Variants in PROSER1 observed in about 807,000 individuals in gnomAD.
PROSER1 encodes the protein proline and serine rich 1, also known as proline and serine-rich protein 1.
A neutral mutation model predicts 71.8 loss-of-function variants in PROSER1; 36 were observed. That is an observed-to-expected ratio of 0.50 (90% CI 0.38 to 0.66). The LOEUF (loss-of-function observed/expected upper bound fraction) is 0.66, where lower values mean the gene tolerates loss of function less well. Among genes scored for constraint, PROSER1 ranks in the 30% least tolerant of loss-of-function variants. PROSER1 has a pLI of 0.00. For missense variants in PROSER1, 1,107 were observed against 1,135.0 expected (o/e 0.98, Z 0.35); for synonymous variants, 490 against 452.4 (o/e 1.08, Z -1.06).
chr13:39,034,098 G>T, intron 2 of PROSER1, 33 bp downstream of exon 2: 1 of 1,461,344 alleles, frequency 6.8e-7, no homozygotes, highest in South Asian at 1.3e-5. Context: ...GGTATAAAAA[G>T]AAAGCTTTGT....
intron 7 of PROSER1, chr13:39,023,333 C>A (rs1371218203): frequency 4.0e-6 from 2 of 504,292 alleles, no homozygotes; most frequent in Non-Finnish European, 7.1e-6. Context: ...CAGATCTTGC[C>A]AAAGATGGCC....
intron 5 of PROSER1, 80 bp from the exon 6 acceptor site, chr13:39,026,467 A>G: frequency 1.2e-6 from 1 of 829,498 alleles, no homozygotes; most frequent in Non-Finnish European, 1.9e-6. Flanking sequence ...TCAGCTAAAA[A>G]AAACATGAAT....
chr13:39,037,415 T>C lies in PROSER1; in HGVS notation c.-173A>G, dbSNP rs1292834623. ...GTATTGCAAACTTCGCAAAAAAAAT[T>C]TCTAAAAATTGAGATTCAGAAAAAC... On this transcript the variant is annotated 5_prime_UTR_variant, in exon 1 of 13. Transcript: ENST00000352251. 2.7e-5 allele frequency: 16 copies of C among 585,328 alleles called. No homozygotes were observed. In the East Asian group the frequency reaches 4.6e-4, roughly 17 times the overall value. 36.3% of individuals were successfully genotyped at this position (585,328 alleles called of 1,614,324 possible).
chr13:39,011,249 G>T lies in PROSER1; in HGVS notation c.*116C>A. 1 of 1,028,692 alleles carries T rather than the reference G, an allele frequency of 9.7e-7. No homozygotes were observed. The highest frequency in any genetic ancestry group is 1.4e-6 in the Non-Finnish European group (1 of 689,822). The allele number at this position is 1,028,692 out of a possible 1,614,324, so 63.7% of individuals were successfully genotyped here. On this transcript the variant is annotated 3_prime_UTR_variant, in exon 13 of 13. Coordinates refer to ENST00000352251, the MANE Select transcript of PROSER1 (RefSeq NM_025138.5). ...CAAATTGTTGTCACAATTTCTCCAGGATTACCCTCATTCTCATTTTCCGAC... is the reference window on the plus strand; with the variant it reads ...CAAATTGTTGTCACAATTTCTCCAGTATTACCCTCATTCTCATTTTCCGAC...
In PROSER1 at chr13:39,022,492, A is replaced by C; in HGVS notation, c.644-80T>G. On this transcript the variant is annotated intron_variant, in intron 8 of 12. Transcript: ENST00000352251. ...TATTGTTCTGTGACTAGGAGTTCAA[A>C]CTATATTAATGCAGCTATTCAATTT... The C allele has an allele frequency of 4.5e-6, 4 of 895,736 alleles. No individual in the cohort carries two copies. The Admixed American group carries it at 7.2e-5, about 16-fold the overall frequency. 55.5% of individuals were successfully genotyped at this position (895,736 alleles called of 1,614,324 possible).
At chr13:39,022,975 T>C (rs898468746) in intron 8 of PROSER1, 77 bp downstream of exon 8, 9 of 1,257,750 alleles carry the variant, frequency 7.2e-6, no homozygotes, top group Middle Eastern at 3.7e-4. Context: ...GCCAACCACA[T>C]AGACCAGCAT....
chr13:39,013,910 G>A lies in PROSER1; in HGVS notation c.1342C>T (p.Pro448Ser). The change falls in exon 11 of 13, where the codon CCT becomes TCT. Residue 448 changes from proline to serine, a missense_variant. Physicochemically the swap from Pro to Ser is moderately conservative, Grantham distance 74 (BLOSUM62 -1). Coordinates refer to ENST00000352251, the MANE Select transcript of PROSER1 (RefSeq NM_025138.5). ...PTSQGLSNPT[P>S]VIAGGSTPSV... ...GGAGTAGAGCCACCAGCAATTACAG[G>A]AGTCGGGTTGGATAGGCCTTGGGAT... The A allele has an allele frequency of 6.2e-7, 1 of 1,614,212 alleles. No individual in the cohort carries two copies. Among genetic ancestry groups the A allele is most frequent in the Non-Finnish European group, 8.5e-7 (1 of 1,180,036 alleles).
intron 9 of PROSER1, among the ~76,000 whole-genome samples, chr13:39,021,800 G>C (rs1203395479): frequency 6.6e-6 from 1 of 152,110 alleles, no homozygotes; most frequent in Non-Finnish European, 1.5e-5. Flanking sequence ...GGCTGATTTG[G>C]ATGCCTCTCC....
rs1358119264 is a variant in PROSER1 at position 39,013,925 on chromosome 13, G to C, written c.1327C>G (p.Leu443Val). 1 of 1,614,046 alleles carries C rather than the reference G, an allele frequency of 6.2e-7. No homozygotes were observed. Among genetic ancestry groups the C allele is most frequent in the Non-Finnish European group, 8.5e-7 (1 of 1,180,044 alleles). Residue 443 changes from leucine (L) to valine (V), a missense_variant, in exon 11 of 13, where the codon CTA (leucine) becomes GTA (valine). Physicochemically the swap from Leu to Val is conservative, Grantham distance 32. Coordinates refer to ENST00000352251, the MANE Select transcript of PROSER1 (RefSeq NM_025138.5). ...PLPLPPTSQG[L>V]SNPTPVIAGG... The stretch of plus-strand genomic sequence containing the variant: ...GCAATTACAGGAGTCGGGTTGGATA[G>C]GCCTTGGGATGTTGGTGGTAAGGGC...
At chr13:39,015,088 G>A (rs769736988) in intron 10 of PROSER1, among the ~76,000 whole-genome samples, 1 of 152,080 alleles carries the variant, frequency 6.6e-6, no homozygotes, top group Non-Finnish European at 1.5e-5. Context: ...AGGGGCAAAA[G>A]CTGTGTCTAA....
chr13:39,022,982 G>A (rs1290275294), intron 8 of PROSER1, 70 bp downstream of exon 8: 39 of 1,310,564 alleles, frequency 3.0e-5, no homozygotes, highest in Non-Finnish European at 4.2e-5. Context: ...ACATAGACCA[G>A]CATTTACTTT....
At chr13:39,019,702 T>C (rs896063770) in intron 9 of PROSER1, among the ~76,000 whole-genome samples, 2 of 151,572 alleles carry the variant, frequency 1.3e-5, no homozygotes, top group African/African-American at 4.8e-5. Context: ...AAAATGGCAA[T>C]TTGACCAATA....
chr13:39,017,736 C>G (rs905118837), intron 9 of PROSER1, 192 bp from the exon 10 acceptor site: 1 of 466,826 alleles, frequency 2.1e-6, no homozygotes, highest in African/African-American at 2.0e-5. Flanking sequence ...TAATACTTTA[C>G]TACTCTATCT....
At chr13:39,021,336 T>C (rs1465834945) in intron 9 of PROSER1, among the ~76,000 whole-genome samples, 1 of 152,188 alleles carries the variant, frequency 6.6e-6, no homozygotes, top group Non-Finnish European at 1.5e-5. Flanking sequence ...GAAAGGTGCC[T>C]ACCCTAGTGT....
At chr13:39,019,683 T>TA (rs1407841431) in intron 9 of PROSER1, among the ~76,000 whole-genome samples, 1 of 151,438 alleles carries the variant, frequency 6.6e-6, no homozygotes, top group Non-Finnish European at 1.5e-5. Context: ...GAACAGTTGT[T>TA]AAAAAAACAA....
In PROSER1 at chr13:39,012,052, C is replaced by T; in HGVS notation, c.2712+31G>A. ...TACAGAAGTTAGTTATACATGTTAC[C>T]ATGTAATTTATGCCAGCCATTGCTG... On this transcript the variant is annotated intron_variant, in intron 12 of 12. Transcript: ENST00000352251. The T allele has an allele frequency of 4.4e-6, 7 of 1,602,578 alleles. No individual in the cohort carries two copies. The East Asian group carries it at 1.6e-4, about 36-fold the overall frequency.
chr13:39,017,440 T>G (rs1004206774), intron 10 of PROSER1, 60 bp downstream of exon 10: 2 of 1,005,974 alleles, frequency 2.0e-6, no homozygotes, highest in African/African-American at 3.3e-5. Flanking sequence ...TTATTCTCAG[T>G]GAATAACAGA....
rs185112595 is a variant in PROSER1, at chr13:39,028,094, A to C, written c.369+133T>G. The C allele has an allele frequency of 2.1e-4, 113 of 550,778 alleles. No homozygotes were observed. The East Asian group carries it at 3.3e-3, about 16-fold the overall frequency. 34.1% of individuals were successfully genotyped at this position (550,778 alleles called of 1,614,324 possible). A position where few individuals can be genotyped will look rare whatever the true frequency, so the allele number is the denominator to read the frequency against. On this transcript the variant is annotated intron_variant, in intron 5 of 12. Transcript: ENST00000352251. ...TATTTCCACGCCGCAGACCGCAGGG[A>C]TGTTCATTTTTAACCCATTGTACAA...
In PROSER1 at chr13:39,010,549, A is replaced by G. The variant is rs1030838536; in HGVS notation, c.*816T>C. The G allele has an allele frequency of 5.2e-5, 8 of 152,668 alleles. No individual in the cohort carries two copies. Among genetic ancestry groups the G allele is most frequent in the African/African-American group, 1.9e-4 (8 of 41,460 alleles). The allele number at this position is 152,668 out of a possible 1,614,324, so 9.5% of individuals were successfully genotyped here. A position where few individuals can be genotyped will look rare whatever the true frequency, so the allele number is the denominator to read the frequency against. On this transcript the variant is annotated 3_prime_UTR_variant, in exon 13 of 13. Transcript: ENST00000352251. ...GACTTAAAGTACAAATAGAAATACT[A>G]CATCCCATAATTGTAAACATTCACC...
Sources: gnomAD v4.1 joint callset for allele counts (sites outside exome capture counted in the v4.1 genomes callset) on GRCh38, gnomAD v4.1.1 for gene constraint, MANE v1.5 for transcripts, NCBI Gene and HGNC (gene_info 2026-07-23, HGNC 2026-07-21) for gene names.